Variants in CPSF3 observed in about 807,000 individuals in gnomAD.
The protein encoded by CPSF3 is cleavage and polyadenylation specificity factor subunit 3.
CPSF3 carries 57 observed loss-of-function variants against 84.1 expected under a neutral mutation model. That is an observed-to-expected ratio of 0.68 (90% CI 0.55 to 0.85). CPSF3 has a LOEUF of 0.85. Among genes scored for constraint, CPSF3 ranks in the 40% least tolerant of loss-of-function variants. The pLI is 0.00. For synonymous variants in CPSF3, 275 were observed against 278.1 expected (o/e 0.99, Z 0.11); for missense variants, 522 against 838.8 (o/e 0.62, Z 4.66).
chr2:9,461,259 A>G (rs1681715823), intron 15 of CPSF3, among the ~76,000 whole-genome samples: 1 of 152,230 alleles, frequency 6.6e-6, no homozygotes, highest in Admixed American at 6.5e-5. Context: ...ATAAGCCACA[A>G]CGCATTTATA....
intron 13 of CPSF3, among the ~76,000 whole-genome samples, 173 bp downstream of exon 13, chr2:9,455,930 T>A (rs1038240277): frequency 6.6e-6 from 1 of 152,112 alleles, no homozygotes; most frequent in South Asian, 2.1e-4. Flanking sequence ...GAATATACAC[T>A]CATATTCTTG....
chr2:9,433,780 C>A, intron 5 of CPSF3, 91 bp from the exon 6 acceptor site: 1 of 820,466 alleles, frequency 1.2e-6, no homozygotes. Flanking sequence ...AAAACTGTAA[C>A]TGCACTTTTG....
Position 9,459,497 on chromosome 2 carries a change from A to G in CPSF3, c.1699-34A>G, listed in dbSNP as rs368073162. On this transcript the variant is annotated intron_variant, in intron 14 of 17. Coordinates refer to ENST00000238112, the MANE Select transcript of CPSF3 (RefSeq NM_016207.4). Reference sequence around the variant, plus strand: ...GCCTTTGTGGTTGGTCACCCTAGGTAGGTCACTTCCTAATTCTGCCTTTTG... The same window carrying G: ...GCCTTTGTGGTTGGTCACCCTAGGTGGGTCACTTCCTAATTCTGCCTTTTG... 3.5e-6 allele frequency: 5 copies of G among 1,432,966 alleles called. No homozygotes were observed. The African/African-American group carries it at 4.2e-5, about 12-fold the overall frequency. The allele number at this position is 1,432,966 out of a possible 1,614,324, so 88.8% of individuals were successfully genotyped here. A position where few individuals can be genotyped will look rare whatever the true frequency, so the allele number is the denominator to read the frequency against.
intron 16 of CPSF3, among the ~76,000 whole-genome samples, chr2:9,469,111 G>A (rs1558468013): frequency 6.6e-6 from 1 of 152,132 alleles, no homozygotes; most frequent in Non-Finnish European, 1.5e-5. Flanking sequence ...CCGTTGAAAA[G>A]GCCAGAGATT....
chr2:9,471,811 G>A (rs1257871748), intron 17 of CPSF3, among the ~76,000 whole-genome samples: 4 of 151,378 alleles, frequency 2.6e-5, no homozygotes, highest in African/African-American at 9.7e-5. Context: ...AAACCAGCCC[G>A]GGCAACACAG....
chr2:9,472,601 C>T (rs753002417), intron 17 of CPSF3, among the ~76,000 whole-genome samples: 18 of 152,078 alleles, frequency 1.2e-4, no homozygotes, highest in East Asian at 1.9e-4. Context: ...GTAGGGCGGC[C>T]GTTCTGTTTC....
intron 10 of CPSF3, among the ~76,000 whole-genome samples, chr2:9,446,839 A>G (rs1291896052): frequency 6.6e-6 from 1 of 152,164 alleles, no homozygotes; most frequent in Non-Finnish European, 1.5e-5. Context: ...GTTGTTGTAA[A>G]TACCCTCTAA....
intron 1 of CPSF3, among the ~76,000 whole-genome samples, chr2:9,426,398 A>C (rs1680393512): frequency 1.3e-5 from 2 of 152,238 alleles, no homozygotes; most frequent in Non-Finnish European, 2.9e-5. Flanking sequence ...TAGAGCAAGT[A>C]CGGGGCATGT....
Position 9,455,758 on chromosome 2 carries a change from G to C in CPSF3, c.1603+1G>C. ...TGTTACCAGCTGCAGAAATTGACAG[G>C]TGTGTGTGTGTACTGAAATTCATTT... is the stretch of plus-strand genomic sequence containing the variant. On this transcript the variant is annotated splice_donor_variant, in intron 13 of 17. Transcript: ENST00000238112. LOFTEE classifies it high-confidence loss of function. The C allele has an allele frequency of 1.3e-6, 2 of 1,565,722 alleles. No homozygotes were observed. The highest frequency in any genetic ancestry group is 1.8e-6 in the Non-Finnish European group (2 of 1,139,698).
intron 15 of CPSF3, among the ~76,000 whole-genome samples, chr2:9,466,260 A>C (rs56393799): frequency 8.5e-6 from 1 of 118,336 alleles, no homozygotes; most frequent in East Asian, 2.1e-4. Context: ...GCACACACGC[A>C]CACAAAGACG....
At chr2:9,471,007 A>G (rs1370622992) in intron 16 of CPSF3, among the ~76,000 whole-genome samples, 1 of 152,194 alleles carries the variant, frequency 6.6e-6, no homozygotes, top group Non-Finnish European at 1.5e-5. Flanking sequence ...TGAGGCTAGG[A>G]GTTCAAGACC....
intron 17 of CPSF3, 152 bp downstream of exon 17, chr2:9,471,591 T>G: frequency 1.7e-6 from 1 of 603,432 alleles, no homozygotes; most frequent in Non-Finnish European, 3.0e-6. Flanking sequence ...TCTTTTTATA[T>G]TATTATGGTT....
chr2:9,455,795 G>T (rs774370900), intron 13 of CPSF3, 38 bp downstream of exon 13: 1 of 1,403,158 alleles, frequency 7.1e-7, no homozygotes. Context: ...ATTGTTTTCT[G>T]TCTTTTAGTA....
intron 15 of CPSF3, among the ~76,000 whole-genome samples, chr2:9,465,484 T>A (rs1168520504): frequency 2.0e-5 from 3 of 152,180 alleles, no homozygotes; most frequent in Non-Finnish European, 4.4e-5. Context: ...TCTTATATTA[T>A]ATTTTCCTGT....
chr2:9,463,049 A>G (rs1681782667), intron 15 of CPSF3, among the ~76,000 whole-genome samples: 1 of 152,204 alleles, frequency 6.6e-6, no homozygotes, highest in Non-Finnish European at 1.5e-5. Flanking sequence ...GCATGCCTCA[A>G]AGTGCTTAGG....
chr2:9,451,553 C>T (rs1455901247), intron 11 of CPSF3, among the ~76,000 whole-genome samples: 1 of 151,922 alleles, frequency 6.6e-6, no homozygotes, highest in African/African-American at 2.4e-5. Flanking sequence ...CCCTTAAGCT[C>T]AGGAATTGAA....
chr2:9,441,438 G>A (rs193222818), intron 8 of CPSF3, among the ~76,000 whole-genome samples: 1 of 152,308 alleles, frequency 6.6e-6, no homozygotes, highest in East Asian at 1.9e-4. Flanking sequence ...AGCATGCAAA[G>A]CTATTGTGAG....
chr2:9,436,120 T>A, intron 6 of CPSF3, 91 bp from the exon 7 acceptor site: 5 of 1,076,254 alleles, frequency 4.6e-6, no homozygotes, highest in Non-Finnish European at 6.6e-6. Context: ...AGAAGTGAAT[T>A]GCTTAGCCCC....
intron 2 of CPSF3, 92 bp downstream of exon 2, chr2:9,428,920 C>G: frequency 1.3e-6 from 1 of 756,188 alleles, no homozygotes; most frequent in Non-Finnish European, 2.3e-6. Flanking sequence ...TTTTTAGCTC[C>G]CAGAAAAATG....
Sources: allele counts gnomAD v4.1 joint callset (sites outside exome capture counted in the v4.1 genomes callset), GRCh38; gene constraint gnomAD v4.1.1; transcripts MANE v1.5; gene names NCBI Gene and HGNC (gene_info 2026-07-23, HGNC 2026-07-21).